Variants in WASHC2C observed in about 807,000 individuals in gnomAD.
The protein encoded by WASHC2C is Vaccinia Penetration Factor.
Under a neutral mutation model 142.2 loss-of-function variants are expected in WASHC2C, and 73 were observed. The observed-to-expected ratio is 0.51, with a 90% CI of 0.43 to 0.62. WASHC2C has a LOEUF of 0.62. Among genes scored for constraint, WASHC2C ranks in the 20% least tolerant of loss-of-function variants. WASHC2C has a pLI of 0.00. For missense variants in WASHC2C, 969 were observed against 1,531.7 expected, an observed-to-expected ratio of 0.63 and a Z score of 6.13; for synonymous variants, 337 against 565.5, an observed-to-expected ratio of 0.60 and a Z score of 5.73.
chr10:45,787,387 C>A, intron 28 of WASHC2C, 140 bp downstream of exon 28: 4 of 1,516,804 alleles, frequency 2.6e-6, no homozygotes, highest in Non-Finnish European at 3.6e-6. Context: ...TTCAGCCGCT[C>A]CCCCCTCCAT....
At chr10:45,758,498 C>G (rs557020332) in intron 16 of WASHC2C, among the ~76,000 whole-genome samples, 5 of 152,106 alleles carry the variant, frequency 3.3e-5, no homozygotes, top group African/African-American at 7.2e-5. Flanking sequence ...TGGCATTCTT[C>G]TGAATAAAGT....
At chr10:45,734,257 T>C (rs2050943892) in intron 3 of WASHC2C, among the ~76,000 whole-genome samples, 1 of 151,666 alleles carries the variant, frequency 6.6e-6, no homozygotes, top group Admixed American at 6.6e-5. Flanking sequence ...AAATAAATAA[T>C]TGAACCTACA....
Position 45,786,691 on chromosome 10 carries a change from A to C in WASHC2C, c.2874+17A>C. 1 of 1,611,820 alleles carries C rather than the reference A, an allele frequency of 6.2e-7. No individual in the cohort carries two copies. Among genetic ancestry groups the C allele is most frequent in the Non-Finnish European group, 8.5e-7 (1 of 1,179,684 alleles). On this transcript the variant is annotated intron_variant, in intron 27 of 30. Coordinates refer to ENST00000623400, the MANE Select transcript of WASHC2C (RefSeq NM_001330074.2). ...AAGATACAAGTAATTAAAACACTGG[A>C]ATCTTCATTGCCTGCCCTGTGGCAT... is the stretch of plus-strand genomic sequence containing the variant.
Position 45,792,772 on chromosome 10 carries a change from C to T in WASHC2C, c.*372C>T, listed in dbSNP as rs1336235319. 187 of 499,762 alleles carry T rather than the reference C, an allele frequency of 3.7e-4. 4 individuals are homozygous for T. The highest frequency in any genetic ancestry group is 2.8e-3 in the South Asian group (184 of 64,656). 31.0% of individuals were successfully genotyped at this position (499,762 alleles called of 1,614,324 possible). On this transcript the variant is annotated 3_prime_UTR_variant, in exon 31 of 31. Transcript: ENST00000623400. ...AAGTCTTTGTTATATGGATGGGAAC[C>T]CTAACTTAGGGCTTGGGCAGGGGAA... is the stretch of plus-strand genomic sequence containing the variant.
In WASHC2C at chr10:45,792,320, C is replaced by A; in HGVS notation, c.3946C>A (p.Gln1316Lys). The A allele has an allele frequency of 6.4e-7, 1 of 1,565,212 alleles. No homozygotes were observed. Among genetic ancestry groups the A allele is most frequent in the Non-Finnish European group, 8.7e-7 (1 of 1,146,688 alleles). ...AACCAAACCAAAAAGCCGATCTGCA[C>A]AGGCCGCACCTGAACCAAGATTTGA... ...KTTKPKSRSA[Q>K]AAPEPRFEHK... Residue 1316 changes from glutamine (Q) to lysine (K), a missense_variant, in exon 31 of 31, where the codon CAG (glutamine) becomes AAG (lysine). Gln to Lys is a moderately conservative substitution (Grantham distance 53). Coordinates refer to ENST00000623400, the MANE Select transcript of WASHC2C (RefSeq NM_001330074.2).
chr10:45,741,191 G>A (rs1489785980), intron 5 of WASHC2C, among the ~76,000 whole-genome samples: 3 of 152,036 alleles, frequency 2.0e-5, no homozygotes, highest in African/African-American at 4.8e-5. Context: ...CAGGTGATCC[G>A]CCTGCCTTGG....
At chr10:45,734,359 CTGTGTGTG>C (rs139735516) in intron 3 of WASHC2C, among the ~76,000 whole-genome samples, 2 of 148,056 alleles carry the variant, frequency 1.4e-5, no homozygotes, top group South Asian at 2.1e-4. Context: ...TTCTAGATGA[CTGTGTGTG>C]TGTGTGTGTG....
rs188766866 is a variant in WASHC2C at position 45,751,322 on chromosome 10, T to A, written c.932-160T>A. On this transcript the variant is annotated intron_variant, in intron 10 of 30. Transcript: ENST00000623400. The stretch of plus-strand genomic sequence containing the variant: ...CAAAGAGACTCTTGAGTGCCCACTG[T>A]GGGCAGGGCCAGGGAGTTCAGTGCT... Among the ~76,000 whole-genome samples, 452 of 145,528 alleles carry A rather than the reference T, an allele frequency of 3.1e-3. 10 individuals carry two copies. The East Asian group carries it at 0.045, about 14-fold the overall frequency.
At position 45,736,438 on chromosome 10, in the gene WASHC2C, G is replaced by A. The variant is rs1178780160; in HGVS notation, c.292-1545G>A. ...AAAAAAAAAAAAAAAAAAAAAAAAAGGGCAAAAACAAATTAGCCGGGTGTG... is the reference window on the plus strand; with the variant it reads ...AAAAAAAAAAAAAAAAAAAAAAAAAAGGCAAAAACAAATTAGCCGGGTGTG... On this transcript the variant is annotated intron_variant, in intron 3 of 30. Transcript: ENST00000623400. 7.0e-4 allele frequency among the ~76,000 whole-genome samples: 65 copies of A among 92,522 alleles called. No individual in the cohort carries two copies. The East Asian group carries it at 7.9e-3, about 11-fold the overall frequency. The allele number at this position is 92,522 out of a possible 152,430, so 60.7% of individuals were successfully genotyped here.
At chr10:45,754,806 A>G (rs1428016409) in intron 14 of WASHC2C, 130 bp from the exon 15 acceptor site, 4 of 1,179,268 alleles carry the variant, frequency 3.4e-6, no homozygotes, top group African/African-American at 3.1e-5. Flanking sequence ...GATGGAGGCT[A>G]TTGGGCCCTG....
At chr10:45,758,753 G>A (rs371471717) in intron 16 of WASHC2C, among the ~76,000 whole-genome samples, 7,470 of 150,762 alleles carry the variant, frequency 0.05, 209 homozygotes, top group East Asian at 0.15. Flanking sequence ...GACTATATGC[G>A]TGCGCCACCA....
chr10:45,770,658 T>C (rs1374436874), intron 20 of WASHC2C, among the ~76,000 whole-genome samples: 1 of 152,234 alleles, frequency 6.6e-6, no homozygotes, highest in Non-Finnish European at 1.5e-5. Context: ...ACTCGAATCT[T>C]GTCAAGCATC....
At position 45,737,979 on chromosome 10, in the gene WASHC2C, T is replaced by A. The variant is rs1564703848; in HGVS notation, c.292-4T>A. On this transcript the variant is annotated splice_region_variant and splice_polypyrimidine_tract_variant and intron_variant, in intron 3 of 30. Transcript: ENST00000623400. ...TTTAACATTGAGTTTGCTTCCATATTTAGCGTGTATATGATGAAGAAGTGG... is the reference window on the plus strand; with the variant it reads ...TTTAACATTGAGTTTGCTTCCATATATAGCGTGTATATGATGAAGAAGTGG... 5.6e-6 allele frequency: 9 copies of A among 1,611,776 alleles called. No homozygotes were observed. In the South Asian group the frequency reaches 9.9e-5, roughly 18 times the overall value.
chr10:45,780,953 C>T (rs183656544), intron 23 of WASHC2C, among the ~76,000 whole-genome samples: 162 of 151,414 alleles, frequency 1.1e-3, no homozygotes, highest in African/African-American at 3.8e-3. Flanking sequence ...AGGGTTTCAC[C>T]GTGTTGGCCA....
chr10:45,762,696 G>C (rs1307189979), intron 17 of WASHC2C, among the ~76,000 whole-genome samples: 9 of 152,186 alleles, frequency 5.9e-5, no homozygotes, highest in South Asian at 2.1e-4. Context: ...ACAAGGTCAG[G>C]AGATCGAGAC....
chr10:45,786,364 C>G, intron 26 of WASHC2C: 1 of 598,030 alleles, frequency 1.7e-6, no homozygotes, highest in East Asian at 2.9e-5. Flanking sequence ...TCTTGGGAAT[C>G]TTACTCATCT....
rs1197035869 is a variant in WASHC2C at position 45,743,406 on chromosome 10, G to A, written c.545G>A (p.Arg182His). Residue 182 changes from arginine (R) to histidine (H), a missense_variant, in exon 6 of 31, where the codon CGT becomes CAT. Transcript: ENST00000623400. ...CATGTACAGGATCTATACATTGATCGTCCTTTACCATATCTCATTGGGTCA... is the reference window on the plus strand; with the variant it reads ...CATGTACAGGATCTATACATTGATCATCCTTTACCATATCTCATTGGGTCA... The part of the protein sequence containing the change: ...ILEPKDLYID[R>H]PLPYLIGSKL... 19 of 1,611,726 alleles carry A rather than the reference G, an allele frequency of 1.2e-5. No individual in the cohort carries two copies. The highest frequency in any genetic ancestry group is 6.7e-5 in the East Asian group (3 of 44,872).
In WASHC2C at chr10:45,788,198, T is replaced by G. The variant is rs1336418198; in HGVS notation, c.3088-673T>G. Among the ~76,000 whole-genome samples, 4 of 152,236 alleles carry G rather than the reference T, an allele frequency of 2.6e-5. No homozygotes were observed. The South Asian group carries it at 8.3e-4, about 32-fold the overall frequency. On this transcript the variant is annotated intron_variant, in intron 28 of 30. Coordinates refer to ENST00000623400, the MANE Select transcript of WASHC2C (RefSeq NM_001330074.2). ...CAATCATACTTTGCCCAGAGTAGAT[T>G]GTAGCTTCTCAAAATTCTACTTGAT...
At chr10:45,731,681 G>A (rs2050600751) in intron 3 of WASHC2C, among the ~76,000 whole-genome samples, 2 of 151,988 alleles carry the variant, frequency 1.3e-5, no homozygotes, top group Non-Finnish European at 2.9e-5. Flanking sequence ...AAGGCCACAT[G>A]CTATAGGTTT....
Sources: gnomAD v4.1 joint callset for allele counts (sites outside exome capture counted in the v4.1 genomes callset) on GRCh38, gnomAD v4.1.1 for gene constraint, MANE v1.5 for transcripts, NCBI Gene and HGNC (gene_info 2026-07-23, HGNC 2026-07-21) for gene names.